The following F2 variants were observed in gnomAD, a reference collection of about 807,000 sequenced individuals.
The protein encoded by F2 is coagulation factor II, thrombin.
Under a neutral mutation model 81.9 loss-of-function variants are expected in F2, and 34 were observed. That is an observed-to-expected ratio of 0.42 (90% CI 0.32 to 0.55). The LOEUF (loss-of-function observed/expected upper bound fraction) is 0.55. F2 is among the 20% of genes least tolerant of loss of function. The pLI is 0.18. For synonymous variants in F2, 296 were observed against 326.4 expected (o/e 0.91, Z 1.01); for missense variants, 630 against 833.4 (o/e 0.76, Z 3.00).
chr11:46,725,130 C>T (rs2064864016), intron 6 of F2, among the ~76,000 whole-genome samples: 2 of 135,920 alleles, frequency 1.5e-5, no homozygotes, highest in Admixed American at 8.1e-5. Flanking sequence ...AGTGCAGTGG[C>T]ATAATCTTGG....
intron 12 of F2, 76 bp from the exon 13 acceptor site, chr11:46,738,972 C>A: frequency 6.7e-7 from 1 of 1,487,094 alleles, no homozygotes; most frequent in Non-Finnish European, 9.4e-7. Flanking sequence ...TGGACTCTCA[C>A]CAGCTGTGTC....
chr11:46,728,817 C>T lies in F2; in HGVS notation c.1452C>T (p.Pro484=), dbSNP rs774235891. The stretch of plus-strand genomic sequence containing the variant: ...ACTACATTCACCCTGTGTGTCTGCC[C>T]GACAGGGAGACGGCAGCCAGGTGGG... ...FSDYIHPVCL[P]DRETAASLLQ... The change falls in exon 11 of 14, where the codon CCC becomes CCT. Residue 484 remains proline, a synonymous_variant. Coordinates refer to ENST00000311907, the MANE Select transcript of F2 (RefSeq NM_000506.5). This position sits in a 1 kb window ranked among gnomAD's most constrained non-coding sequence, Gnocchi z 5.1. The T allele has an allele frequency of 9.9e-6, 16 of 1,613,860 alleles. No individual in the cohort carries two copies. The highest frequency in any genetic ancestry group is 1.7e-4 in the Middle Eastern group (1 of 6,036).
At chr11:46,729,331 G>A (rs370476632) in intron 11 of F2, 49 bp from the exon 12 acceptor site, 29 of 1,590,288 alleles carry the variant, frequency 1.8e-5, no homozygotes, top group African/African-American at 8.1e-5. Context: ...GGGGCCAGGC[G>A]GCTCCTGTGG....
intron 12 of F2, among the ~76,000 whole-genome samples, chr11:46,730,489 T>G (rs911412826): frequency 7.7e-6 from 1 of 129,672 alleles, no homozygotes; most frequent in Admixed American, 8.0e-5. Context: ...TTGGCTTGTC[T>G]GGGGAGCAGT....
In F2 at chr11:46,726,220, T is replaced by C; in HGVS notation, c.874+47T>C. ...CCTGAGTTGCAGGGACAAATCCTGGTGGGAATAACAACAGCCGCTTCTGCT... is the reference window on the plus strand; with the variant it reads ...CCTGAGTTGCAGGGACAAATCCTGGCGGGAATAACAACAGCCGCTTCTGCT... On this transcript the variant is annotated intron_variant, in intron 7 of 13. Transcript: ENST00000311907. The surrounding 1 kb of genome is among the most constrained non-coding windows in gnomAD (Gnocchi z 5.9). 1 of 1,605,532 alleles carries C rather than the reference T, an allele frequency of 6.2e-7. No individual in the cohort carries two copies. Among genetic ancestry groups the C allele is most frequent in the Non-Finnish European group, 8.5e-7 (1 of 1,177,576 alleles).
At chr11:46,724,846 C>A in intron 6 of F2, among the ~76,000 whole-genome samples, 1 of 151,886 alleles carries the variant, frequency 6.6e-6, no homozygotes, top group Admixed American at 6.6e-5. Flanking sequence ...TCTCAGCTCA[C>A]TGCAACCTCC....
rs1410526904 is a variant in F2 at position 46,720,394 on chromosome 11, A to C, written c.241-129A>C. The stretch of plus-strand genomic sequence containing the variant: ...GGAAACAAAAGTAGGAAACTCTGCC[A>C]CAAACCTCCCCAGAGCCTGCCCCCT... On this transcript the variant is annotated intron_variant, in intron 2 of 13. Transcript: ENST00000311907. 5.6e-6 allele frequency: 6 copies of C among 1,076,896 alleles called. No homozygotes were observed. In the African/African-American group the frequency reaches 9.3e-5, roughly 17 times the overall value. The allele number at this position is 1,076,896 out of a possible 1,614,324, so 66.7% of individuals were successfully genotyped here.
chr11:46,719,275 G>GCTGCCTGT lies in F2; in HGVS notation c.41_42insTGCCTGTC (p.Leu15AlafsTer109). The GCTGCCTGT allele has an allele frequency of 6.2e-7, 1 of 1,613,578 alleles. No homozygotes were observed. The highest frequency in any genetic ancestry group is 8.5e-7 in the Non-Finnish European group (1 of 1,179,996). On this transcript the variant is annotated frameshift_variant, in exon 1 of 14. Coordinates refer to ENST00000311907, the MANE Select transcript of F2 (RefSeq NM_000506.5). LOFTEE classifies it high-confidence loss of function. The surrounding 1 kb of genome is among the most constrained non-coding windows in gnomAD (Gnocchi z 4.7). Reference sequence around the variant, plus strand: ...AGGCTTGCAGCTGCCTGGCTGCCTGGCCCTGGCTGCCCTGTGTAGCCTTGT... The same window carrying GCTGCCTGT: ...AGGCTTGCAGCTGCCTGGCTGCCTGGCTGCCTGTCCCTGGCTGCCCTGTGTAGCCTTGT...
intron 12 of F2, among the ~76,000 whole-genome samples, chr11:46,733,471 A>G (rs1376426743): frequency 4.6e-5 from 7 of 152,040 alleles, no homozygotes; most frequent in Non-Finnish European, 1.0e-4. Context: ...CCAAAGTGCT[A>G]GGATTACAGG....
intron 12 of F2, among the ~76,000 whole-genome samples, chr11:46,732,691 G>A (rs192756111): frequency 1.1e-4 from 16 of 152,266 alleles, no homozygotes; most frequent in Admixed American, 5.9e-4. Flanking sequence ...GAGCTCTACC[G>A]TGCCAGGCCA....
At chr11:46,738,837 G>A (rs987679577) in intron 12 of F2, among the ~76,000 whole-genome samples, 3 of 152,202 alleles carry the variant, frequency 2.0e-5, no homozygotes, top group African/African-American at 4.8e-5. Context: ...TCAGGAGCTC[G>A]AGCTAGAAGT....
rs557394055 is a variant in F2 at position 46,727,873 on chromosome 11, A to G, written c.1131-123A>G. 1.1e-4 allele frequency: 125 copies of G among 1,152,728 alleles called. No homozygotes were observed. In the Middle Eastern group the frequency reaches 1.9e-3, roughly 18 times the overall value. 71.4% of individuals were successfully genotyped at this position (1,152,728 alleles called of 1,614,324 possible). On this transcript the variant is annotated intron_variant, in intron 9 of 13. Transcript: ENST00000311907. Reference sequence around the variant, plus strand: ...CCAAAGGCGGCCAGCCCAAGCTTGGATCTGGGCCCCGGAGGCAGCTCTGCC... The same window carrying G: ...CCAAAGGCGGCCAGCCCAAGCTTGGGTCTGGGCCCCGGAGGCAGCTCTGCC...
chr11:46,721,396 C>T (rs911043742), intron 4 of F2, among the ~76,000 whole-genome samples: 1 of 152,158 alleles, frequency 6.6e-6, no homozygotes, highest in Non-Finnish European at 1.5e-5. Context: ...TCTGCCCCCA[C>T]CTAGTCAGAG....
In F2 at chr11:46,739,177, T is replaced by G. The variant is rs373930051; in HGVS notation, c.1725+59T>G. 55 of 1,613,360 alleles carry G rather than the reference T, an allele frequency of 3.4e-5. No individual in the cohort carries two copies. In the African/African-American group the frequency reaches 7.1e-4, roughly 21 times the overall value. ...ACATCTTCTGGGGGTGGGGAGAAAC[T>G]CTAGTATCTAGAAACAGTTGCCTGG... On this transcript the variant is annotated intron_variant, in intron 13 of 13. Coordinates refer to ENST00000311907, the MANE Select transcript of F2 (RefSeq NM_000506.5).
chr11:46,733,186 T>C (rs1290654406), intron 12 of F2, among the ~76,000 whole-genome samples: 1 of 152,210 alleles, frequency 6.6e-6, no homozygotes, highest in Non-Finnish European at 1.5e-5. Context: ...TTATCTGTAA[T>C]GCATTTGCCT....
At chr11:46,734,751 C>T (rs374876955) in intron 12 of F2, among the ~76,000 whole-genome samples, 2 of 152,160 alleles carry the variant, frequency 1.3e-5, no homozygotes, top group Non-Finnish European at 2.9e-5. Flanking sequence ...GCGGAGGTTG[C>T]AGTGAGCAGA....
At chr11:46,736,076 G>A (rs1364387865) in intron 12 of F2, among the ~76,000 whole-genome samples, 9 of 151,774 alleles carry the variant, frequency 5.9e-5, no homozygotes, top group Non-Finnish European at 8.8e-5. Flanking sequence ...GGTGGTGTGC[G>A]CCTGTAATCC....
At chr11:46,731,912 G>GTTTTTTTTTTTTTT (rs71042616) in intron 12 of F2, among the ~76,000 whole-genome samples, 2 of 88,156 alleles carry the variant, frequency 2.3e-5, no homozygotes, top group African/African-American at 4.4e-5. Context: ...ACACTTTGAT[G>GTTTTTTTTTTTTTT]TTTTTTTTTT....
chr11:46,720,422 G>C (rs547503708), intron 2 of F2, 101 bp from the exon 3 acceptor site: 5 of 1,378,898 alleles, frequency 3.6e-6, no homozygotes, highest in Non-Finnish European at 5.2e-6. Context: ...TGCCCCCTGC[G>C]TGACCAGGGT....
Sources: gnomAD v4.1 joint callset for allele counts (sites outside exome capture counted in the v4.1 genomes callset) on GRCh38, gnomAD v4.1.1 for gene constraint, Gnocchi (gnomAD v3.1) non-coding constraint, MANE v1.5 for transcripts, NCBI Gene and HGNC (gene_info 2026-07-23, HGNC 2026-07-21) for gene names.